The following ANKIB1 variants were observed in gnomAD, a reference collection of about 807,000 sequenced individuals.
ANKIB1 encodes ankyrin repeat and IBR domain containing 1, also known as ankyrin repeat and IBR domain-containing protein 1.
Under a neutral mutation model 122.1 loss-of-function variants are expected in ANKIB1, and 43 were observed. That is an observed-to-expected ratio of 0.35 (90% CI 0.28 to 0.45). The LOEUF is 0.45. Among genes scored for constraint, ANKIB1 ranks in the 20% least tolerant of loss-of-function variants. The pLI is 1.00. For synonymous variants in ANKIB1, 390 were observed against 442.0 expected, an observed-to-expected ratio of 0.88 and a Z score of 1.48; for missense variants, 992 against 1,329.5, an observed-to-expected ratio of 0.75 and a Z score of 3.95.
intron 1 of ANKIB1, among the ~76,000 whole-genome samples, chr7:92,276,523 G>A (rs898526355): frequency 6.6e-6 from 1 of 152,216 alleles, no homozygotes; most frequent in African/African-American, 2.4e-5. Flanking sequence ...GCCATCTCAA[G>A]CCTGATATGT....
intron 1 of ANKIB1, among the ~76,000 whole-genome samples, chr7:92,281,332 T>C (rs1459019011): frequency 6.6e-6 from 1 of 152,202 alleles, no homozygotes; most frequent in East Asian, 1.9e-4. Context: ...TACTGCATTA[T>C]TTATACAAAC....
At chr7:92,275,547 G>T (rs1801884793) in intron 1 of ANKIB1, among the ~76,000 whole-genome samples, 1 of 152,074 alleles carries the variant, frequency 6.6e-6, no homozygotes, top group Non-Finnish European at 1.5e-5. Context: ...GTGAGGGACG[G>T]TCCTACACAG....
chr7:92,332,017 C>A (rs1803183851), intron 5 of ANKIB1, among the ~76,000 whole-genome samples: 1 of 152,176 alleles, frequency 6.6e-6, no homozygotes, highest in Non-Finnish European at 1.5e-5. Context: ...TCCGTTTTTA[C>A]TCCATTGATA....
intron 5 of ANKIB1, among the ~76,000 whole-genome samples, chr7:92,336,978 AT>A (rs1425481522): frequency 6.6e-6 from 1 of 152,072 alleles, no homozygotes; most frequent in Non-Finnish European, 1.5e-5. Flanking sequence ...AGTTTCCCTT[AT>A]GGTTTTCTTA....
intron 11 of ANKIB1, among the ~76,000 whole-genome samples, chr7:92,372,011 G>A (rs935386175): frequency 1.8e-5 from 2 of 114,094 alleles, no homozygotes; most frequent in Non-Finnish European, 3.6e-5. Context: ...GTGTGTGTGT[G>A]TATCAAATGA....
At chr7:92,289,344 A>G (rs540967457) in intron 1 of ANKIB1, among the ~76,000 whole-genome samples, 1 of 152,200 alleles carries the variant, frequency 6.6e-6, no homozygotes, top group South Asian at 2.1e-4. Flanking sequence ...TGAAATATAA[A>G]CTCCATAAAT....
chr7:92,395,966 T>C (rs1804882646), intron 17 of ANKIB1: 1 of 219,032 alleles, frequency 4.6e-6, no homozygotes, highest in African/African-American at 2.4e-5. Flanking sequence ...CTAAGCAACA[T>C]AGCAAGACTC....
At chr7:92,369,232 T>A (rs1453050576) in intron 10 of ANKIB1, among the ~76,000 whole-genome samples, 2 of 152,220 alleles carry the variant, frequency 1.3e-5, no homozygotes, top group African/African-American at 4.8e-5. Flanking sequence ...GAGAATTCTT[T>A]CCACCAACAC....
In ANKIB1 at chr7:92,399,084, G is replaced by A; in HGVS notation, c.*135G>A. On this transcript the variant is annotated 3_prime_UTR_variant, in exon 20 of 20. Coordinates refer to ENST00000265742, the MANE Select transcript of ANKIB1 (RefSeq NM_019004.2). Reference sequence around the variant, plus strand: ...TGACATTAGGGTTGAATACAGAGAAGTTCCCTTGAATGGTAGCTTCATTTT... The same window carrying A: ...TGACATTAGGGTTGAATACAGAGAAATTCCCTTGAATGGTAGCTTCATTTT... The A allele has an allele frequency of 1.0e-6, 1 of 980,994 alleles. No homozygotes were observed. Among genetic ancestry groups the A allele is most frequent in the Non-Finnish European group, 1.4e-6 (1 of 730,040 alleles). 60.8% of individuals were successfully genotyped at this position (980,994 alleles called of 1,614,324 possible).
At chr7:92,331,833 G>T (rs1275382364) in intron 5 of ANKIB1, among the ~76,000 whole-genome samples, 1 of 152,164 alleles carries the variant, frequency 6.6e-6, no homozygotes, top group Non-Finnish European at 1.5e-5. Context: ...TTTGTGTACA[G>T]ATAGCCATCT....
intron 11 of ANKIB1, among the ~76,000 whole-genome samples, chr7:92,373,568 T>C (rs933689254): frequency 8.5e-5 from 13 of 152,184 alleles, no homozygotes; most frequent in Non-Finnish European, 1.5e-5. Flanking sequence ...CATTGAACAA[T>C]AAAAGCTGAC....
intron 4 of ANKIB1, 117 bp from the exon 5 acceptor site, chr7:92,327,666 A>C: frequency 2.1e-6 from 1 of 469,752 alleles, no homozygotes; most frequent in South Asian, 5.2e-5. Flanking sequence ...CAGTTGATCC[A>C]ATCCGTGGAA....
At chr7:92,253,114 T>C (rs981976553) in intron 1 of ANKIB1, among the ~76,000 whole-genome samples, 3 of 152,198 alleles carry the variant, frequency 2.0e-5, no homozygotes, top group Non-Finnish European at 4.4e-5. Context: ...TGTGTACATA[T>C]TACAGAATCA....
chr7:92,277,273 A>G lies in ANKIB1; in HGVS notation c.-90-17616A>G, dbSNP rs1801924527. 2.0e-5 allele frequency among the ~76,000 whole-genome samples: 3 copies of G among 152,346 alleles called. No homozygotes were observed. In the South Asian group the frequency reaches 6.2e-4, roughly 32 times the overall value. ...GGACTAATACAGTACTCCTGGAAACAAAGAATTCACAATTGTTAGGATACT... is the reference window on the plus strand; with the variant it reads ...GGACTAATACAGTACTCCTGGAAACGAAGAATTCACAATTGTTAGGATACT... On this transcript the variant is annotated intron_variant, in intron 1 of 19. Coordinates refer to ENST00000265742, the MANE Select transcript of ANKIB1 (RefSeq NM_019004.2).
intron 4 of ANKIB1, chr7:92,326,060 C>T: frequency 8.3e-6 from 3 of 360,046 alleles, no homozygotes; most frequent in Non-Finnish European, 1.6e-5. Flanking sequence ...CCACTTGGGA[C>T]TGAGCAATGT....
Position 92,343,039 on chromosome 7 carries a change from A to T in ANKIB1, c.803A>T (p.Lys268Ile). Residue 268 changes from lysine to isoleucine, a missense_variant, in exon 6 of 20, where the codon AAA becomes ATA. Transcript: ENST00000265742. ...LLRAHDWDREKLLEAWMSNPE... is the reference protein window; with the variant it reads ...LLRAHDWDREILLEAWMSNPE... Reference sequence around the variant, plus strand: ...TTTCTTTAAGACTGGGACAGGGAGAAATTACTTGAAGCTTGGATGTCCAAC... The same window carrying T: ...TTTCTTTAAGACTGGGACAGGGAGATATTACTTGAAGCTTGGATGTCCAAC... 6.2e-7 allele frequency: 1 copy of T among 1,613,878 alleles called. No individual in the cohort carries two copies. The highest frequency in any genetic ancestry group is 2.2e-5 in the East Asian group (1 of 44,878).
At chr7:92,249,735 T>G (rs1801284031) in intron 1 of ANKIB1, among the ~76,000 whole-genome samples, 1 of 151,720 alleles carries the variant, frequency 6.6e-6, no homozygotes, top group African/African-American at 2.4e-5. Context: ...AAAAAAAGAA[T>G]AAGCACAATA....
chr7:92,288,626 T>G (rs896627676), intron 1 of ANKIB1, among the ~76,000 whole-genome samples: 13 of 152,234 alleles, frequency 8.5e-5, no homozygotes, highest in African/African-American at 3.1e-4. Context: ...AAATTACATT[T>G]CTAACAAAGG....
At chr7:92,268,578 A>G (rs984854266) in intron 1 of ANKIB1, among the ~76,000 whole-genome samples, 21 of 152,154 alleles carry the variant, frequency 1.4e-4, no homozygotes, top group East Asian at 1.9e-4. Flanking sequence ...TCTGGGTTCA[A>G]GCAATCCTCC....
Sources: allele counts gnomAD v4.1 joint callset (sites outside exome capture counted in the v4.1 genomes callset), GRCh38; gene constraint gnomAD v4.1.1; transcripts MANE v1.5; gene names NCBI Gene and HGNC (gene_info 2026-07-23, HGNC 2026-07-21).